The following PRIMA1 variants were observed in gnomAD, a reference collection of about 807,000 sequenced individuals.
PRIMA1 encodes the protein proline rich membrane anchor 1.
A neutral mutation model predicts 17.5 loss-of-function variants in PRIMA1; 7 were observed. The ratio of observed to expected loss-of-function variants is 0.40; its 90% CI spans 0.23 to 0.75. The LOEUF is 0.75. Among genes scored for constraint, PRIMA1 ranks in the 30% least tolerant of loss-of-function variants. The pLI is 0.37. For missense variants in PRIMA1, 200 were observed against 201.8 expected (o/e 0.99, Z 0.05); for synonymous variants, 97 against 77.9 (o/e 1.25, Z -1.29).
intron 3 of PRIMA1, among the ~76,000 whole-genome samples, chr14:93,755,687 A>G (rs2076286422): frequency 6.6e-6 from 1 of 152,218 alleles, no homozygotes; most frequent in African/African-American, 2.4e-5. Flanking sequence ...ACACACCCAG[A>G]CAAGGCATGT....
intron 3 of PRIMA1, among the ~76,000 whole-genome samples, chr14:93,743,166 T>C (rs1297069259): frequency 6.6e-6 from 1 of 152,252 alleles, no homozygotes; most frequent in Non-Finnish European, 1.5e-5. Context: ...CTTTATCCAC[T>C]GCTGGGTCTC....
chr14:93,725,890 GC>G (rs1322232170), intron 4 of PRIMA1: 6 of 455,648 alleles, frequency 1.3e-5, no homozygotes, highest in Non-Finnish European at 2.2e-5. Flanking sequence ...TTAGGACCCA[GC>G]CTGGCTCTGC....
chr14:93,744,548 C>CA (rs1595200762), intron 3 of PRIMA1, among the ~76,000 whole-genome samples: 1 of 152,260 alleles, frequency 6.6e-6, no homozygotes, highest in Non-Finnish European at 1.5e-5. Flanking sequence ...AATACAAAAT[C>CA]AGACCTCGAT....
rs550576816 is a variant in PRIMA1 at position 93,775,234 on chromosome 14, G to A, written c.229+3942C>T. ...TGCCTTGAGCCAGTGAATCCAGAGA[G>A]ATGGCAGGAAGGGACACTCCAGTGA... is the stretch of plus-strand genomic sequence containing the variant. On this transcript the variant is annotated intron_variant, in intron 3 of 4. Transcript: ENST00000393140. Among the ~76,000 whole-genome samples the A allele has an allele frequency of 7.9e-5, 12 of 152,368 alleles. No homozygotes were observed. The East Asian group carries it at 1.9e-3, about 25-fold the overall frequency.
intron 3 of PRIMA1, among the ~76,000 whole-genome samples, chr14:93,768,869 G>A (rs2141185529): frequency 6.8e-6 from 1 of 147,764 alleles, no homozygotes; most frequent in Admixed American, 6.8e-5. Flanking sequence ...GCAGTGGTGC[G>A]ATCTTGGCTC....
chr14:93,737,495 G>A (rs1391929315), intron 3 of PRIMA1, 125 bp from the exon 4 acceptor site: 13 of 1,147,242 alleles, frequency 1.1e-5, no homozygotes, highest in African/African-American at 7.9e-5. Flanking sequence ...ACCATCATGG[G>A]TGACACCAAC....
chr14:93,729,696 C>T lies in PRIMA1; in HGVS notation c.359+7545G>A, dbSNP rs570581602. 5.3e-5 allele frequency among the ~76,000 whole-genome samples: 8 copies of T among 152,244 alleles called. No individual in the cohort carries two copies. In the South Asian group the frequency reaches 1.2e-3, roughly 24 times the overall value. On this transcript the variant is annotated intron_variant, in intron 4 of 4. Coordinates refer to ENST00000393140, the MANE Select transcript of PRIMA1 (RefSeq NM_178013.4). ...CGAGGGAGAGAGGGCTGGGTTGGCCCCTGGCACAGTAGGTGTGTCCTGCGG... is the reference window on the plus strand; with the variant it reads ...CGAGGGAGAGAGGGCTGGGTTGGCCTCTGGCACAGTAGGTGTGTCCTGCGG...
At chr14:93,749,714 C>G (rs766110288) in intron 3 of PRIMA1, among the ~76,000 whole-genome samples, 19 of 152,198 alleles carry the variant, frequency 1.2e-4, no homozygotes, top group Non-Finnish European at 2.1e-4. Flanking sequence ...AGTTGATGCT[C>G]AATAGATTGC....
chr14:93,728,073 G>A (rs577217902), intron 4 of PRIMA1, among the ~76,000 whole-genome samples: 19 of 152,280 alleles, frequency 1.2e-4, no homozygotes, highest in Non-Finnish European at 1.6e-4. Flanking sequence ...CAAGAGAAGC[G>A]GCCCATCCCC....
At chr14:93,755,980 C>T (rs1188936027) in intron 3 of PRIMA1, among the ~76,000 whole-genome samples, 1 of 152,230 alleles carries the variant, frequency 6.6e-6, no homozygotes, top group Non-Finnish European at 1.5e-5. Flanking sequence ...CACGCAGCTG[C>T]CTCTTCTCTC....
At chr14:93,725,248 G>A (rs1000140498) in intron 4 of PRIMA1, among the ~76,000 whole-genome samples, 2 of 150,480 alleles carry the variant, frequency 1.3e-5, no homozygotes, top group African/African-American at 4.8e-5. Context: ...CCCCAGACAG[G>A]AGCATTCGGG....
intron 4 of PRIMA1, among the ~76,000 whole-genome samples, chr14:93,724,953 C>T (rs533684867): frequency 1.3e-5 from 2 of 152,204 alleles, no homozygotes; most frequent in South Asian, 2.1e-4. Context: ...TAAGGTGAGG[C>T]GGTCAGTAGG....
At chr14:93,737,491 A>T in intron 3 of PRIMA1, 121 bp from the exon 4 acceptor site, 1 of 1,173,754 alleles carries the variant, frequency 8.5e-7, no homozygotes, top group African/African-American at 1.6e-5. Context: ...TGGGACCATC[A>T]TGGGTGACAC....
intron 3 of PRIMA1, among the ~76,000 whole-genome samples, chr14:93,741,220 T>C (rs920043652): frequency 1.3e-5 from 2 of 152,200 alleles, no homozygotes; most frequent in Non-Finnish European, 2.9e-5. Flanking sequence ...TTGAGTCAAT[T>C]AGAGAATGTT....
intron 3 of PRIMA1, among the ~76,000 whole-genome samples, chr14:93,770,629 T>C (rs1950970): frequency 0.9 from 137,301 of 152,220 alleles, 62,608 homozygotes; most frequent in Non-Finnish European, 0.96. Flanking sequence ...TATCAAATCG[T>C]ATGATTTTCT....
chr14:93,723,626 C>T (rs934776686), intron 4 of PRIMA1, among the ~76,000 whole-genome samples: 19 of 152,300 alleles, frequency 1.2e-4, no homozygotes, highest in African/African-American at 4.6e-4. Flanking sequence ...TGGCTTCTTC[C>T]AGGAATGCAA....
At chr14:93,785,120 C>T (rs1451090156) in intron 2 of PRIMA1, among the ~76,000 whole-genome samples, 1 of 142,606 alleles carries the variant, frequency 7.0e-6, no homozygotes, top group Non-Finnish European at 1.5e-5. Flanking sequence ...GCCAGCACCA[C>T]GGTAACTTGA....
At chr14:93,743,890 G>C (rs1332447732) in intron 3 of PRIMA1, among the ~76,000 whole-genome samples, 1 of 152,228 alleles carries the variant, frequency 6.6e-6, no homozygotes, top group Non-Finnish European at 1.5e-5. Flanking sequence ...CACGGGACTC[G>C]GTGCGCGCTG....
At chr14:93,777,493 A>G (rs1037120287) in intron 3 of PRIMA1, among the ~76,000 whole-genome samples, 4 of 151,908 alleles carry the variant, frequency 2.6e-5, no homozygotes, top group African/African-American at 4.8e-5. Context: ...CCTGCCACCA[A>G]CGCCTGGCTA....
Sources: allele counts gnomAD v4.1 joint callset (sites outside exome capture counted in the v4.1 genomes callset), GRCh38; gene constraint gnomAD v4.1.1; transcripts MANE v1.5; gene names NCBI Gene and HGNC (gene_info 2026-07-23, HGNC 2026-07-21).